DPP10: variants seen among roughly 807,000 people sequenced by gnomAD.
DPP10 encodes the protein dipeptidyl peptidase like 10.
In DPP10, 33 loss-of-function variants were observed where a neutral mutation model predicts 120.9. That is an observed-to-expected ratio of 0.27 (90% CI 0.21 to 0.37). The LOEUF (loss-of-function observed/expected upper bound fraction) is 0.37, where lower values mean the gene tolerates loss of function less well. Among genes scored for constraint, DPP10 ranks in the 10% least tolerant of loss-of-function variants. DPP10 has a pLI of 1.00. For missense variants in DPP10, 816 were observed against 942.8 expected (o/e 0.87, Z 1.76); for synonymous variants, 337 against 326.1 (o/e 1.03, Z -0.36).
chr2:115,369,347 TAAA>T (rs1313636589), intron 3 of DPP10, among the ~76,000 whole-genome samples: 3 of 152,104 alleles, frequency 2.0e-5, no homozygotes, highest in Admixed American at 2.0e-4. Flanking sequence ...ATTATTATAA[TAAA>T]AAAGGCATCT....
chr2:115,785,840 T>G (rs967133699), intron 17 of DPP10, among the ~76,000 whole-genome samples: 4 of 36,434 alleles, frequency 1.1e-4, no homozygotes, highest in Non-Finnish European at 4.4e-4. Context: ...CTGATGTGGG[T>G]TTTTTTTTTT....
intron 1 of DPP10, among the ~76,000 whole-genome samples, chr2:115,291,768 T>C (rs2060666050): frequency 6.6e-6 from 1 of 152,184 alleles, no homozygotes; most frequent in Non-Finnish European, 1.5e-5. Flanking sequence ...GACCAGATCC[T>C]TATTGTAGAC....
chr2:114,603,520 G>C (rs962915301), intron 1 of DPP10, among the ~76,000 whole-genome samples: 8 of 151,986 alleles, frequency 5.3e-5, no homozygotes, highest in Admixed American at 1.3e-4. Context: ...AGACATAGGA[G>C]GGCATTTGCA....
At chr2:114,628,836 T>C (rs2105364010) in intron 1 of DPP10, among the ~76,000 whole-genome samples, 1 of 152,292 alleles carries the variant, frequency 6.6e-6, no homozygotes, top group Non-Finnish European at 1.5e-5. Context: ...GCAGTCCTTG[T>C]TTAATACCAT....
intron 1 of DPP10, among the ~76,000 whole-genome samples, chr2:114,453,610 A>G (rs574920277): frequency 1.3e-5 from 2 of 152,296 alleles, no homozygotes; most frequent in African/African-American, 4.8e-5. Context: ...GAATGCCCTC[A>G]TGGTTAACAG....
intron 24 of DPP10, among the ~76,000 whole-genome samples, chr2:115,837,269 C>A (rs1689633193): frequency 6.6e-6 from 1 of 152,108 alleles, no homozygotes; most frequent in South Asian, 2.1e-4. Flanking sequence ...TTTTTCATCA[C>A]TTTAAACCTT....
chr2:114,966,578 C>T (rs562331217), intron 1 of DPP10, among the ~76,000 whole-genome samples: 2 of 152,134 alleles, frequency 1.3e-5, no homozygotes, highest in Non-Finnish European at 2.9e-5. Context: ...GATTCATGAA[C>T]CAAATAAACA....
chr2:115,318,540 T>C (rs2061907722), intron 2 of DPP10, among the ~76,000 whole-genome samples: 1 of 152,130 alleles, frequency 6.6e-6, no homozygotes, highest in Non-Finnish European at 1.5e-5. Flanking sequence ...ATATTAGTGT[T>C]CCAACTCATA....
chr2:114,980,991 A>ATT (rs10670062), intron 1 of DPP10, among the ~76,000 whole-genome samples: 35,326 of 145,016 alleles, frequency 0.24, 4,435 homozygotes, highest in Admixed American at 0.31. Flanking sequence ...ATGTTGTGTC[A>ATT]TTTTTTTTTT....
chr2:115,490,922 A>G (rs752912220), intron 3 of DPP10, among the ~76,000 whole-genome samples: 1 of 152,178 alleles, frequency 6.6e-6, no homozygotes, highest in Non-Finnish European at 1.5e-5. Context: ...GTTTGAGACC[A>G]GCCTGGCCAA....
chr2:115,710,345 G>A (rs1263814024), intron 7 of DPP10, among the ~76,000 whole-genome samples: 2 of 152,086 alleles, frequency 1.3e-5, no homozygotes, highest in African/African-American at 2.4e-5. Context: ...ATGTATGTCT[G>A]TATGTTGTGT....
At chr2:115,409,096 A>G (rs2068744206) in intron 3 of DPP10, among the ~76,000 whole-genome samples, 1 of 152,130 alleles carries the variant, frequency 6.6e-6, no homozygotes, top group Admixed American at 6.5e-5. Context: ...ATAATGAGAG[A>G]AGAAACAAAT....
In DPP10 at chr2:114,739,624, A is replaced by G. The variant is rs149420768; in HGVS notation, c.60+296786A>G. On this transcript the variant is annotated intron_variant, in intron 1 of 25. Coordinates refer to ENST00000410059, the MANE Select transcript of DPP10 (RefSeq NM_020868.6). ...CAGTGAGCCAAGACTGAGCCACTGCACTCCAGCCTGGGTGACAGAGCAAGA... is the reference window on the plus strand; with the variant it reads ...CAGTGAGCCAAGACTGAGCCACTGCGCTCCAGCCTGGGTGACAGAGCAAGA... 7.9e-3 allele frequency among the ~76,000 whole-genome samples: 1,206 copies of G among 152,226 alleles called. 15 individuals carry two copies. Among genetic ancestry groups the G allele is most frequent in the Admixed American group, 0.027 (415 of 15,284 alleles).
chr2:115,010,223 T>C (rs1368298708), intron 1 of DPP10, among the ~76,000 whole-genome samples: 1 of 152,170 alleles, frequency 6.6e-6, no homozygotes, highest in African/African-American at 2.4e-5. Flanking sequence ...ATTAAGTTTT[T>C]AATTTATTCC....
chr2:115,262,495 A>G (rs958132579), intron 1 of DPP10, among the ~76,000 whole-genome samples: 1 of 152,142 alleles, frequency 6.6e-6, no homozygotes, highest in Non-Finnish European at 1.5e-5. Context: ...TTTTGACTAC[A>G]TAGAAATCTA....
At chr2:115,777,402 A>G (rs940141598) in intron 14 of DPP10, 103 bp downstream of exon 14, 2 of 994,168 alleles carry the variant, frequency 2.0e-6, no homozygotes, top group African/African-American at 3.3e-5. Flanking sequence ...AGTCAAAACA[A>G]GCCAGCCATG....
At chr2:114,564,235 G>A (rs1359917088) in intron 1 of DPP10, among the ~76,000 whole-genome samples, 2 of 151,994 alleles carry the variant, frequency 1.3e-5, no homozygotes, top group Admixed American at 6.6e-5. Flanking sequence ...AAATTTTTTG[G>A]TTTGAATTCT....
In DPP10 at chr2:115,462,497, C is replaced by T. The variant is rs116720802; in HGVS notation, c.272-37013C>T. 7.4e-3 allele frequency among the ~76,000 whole-genome samples: 1,124 copies of T among 152,152 alleles called. 6 individuals are homozygous for T. Among genetic ancestry groups the T allele is most frequent in the African/African-American group, 0.025 (1,029 of 41,516 alleles). On this transcript the variant is annotated intron_variant, in intron 3 of 25. Transcript: ENST00000410059. ...CCAAATTCCTTGGTATGACACACCT[C>T]CATGGTATGACATGGAGGACAAGGT... is the stretch of plus-strand genomic sequence containing the variant.
intron 1 of DPP10, among the ~76,000 whole-genome samples, chr2:114,756,962 T>C (rs561812080): frequency 2.0e-5 from 3 of 152,240 alleles, no homozygotes; most frequent in South Asian, 2.1e-4. Flanking sequence ...TACACAGTCC[T>C]CAAGGGTTTG....
Sources: allele counts gnomAD v4.1 joint callset (sites outside exome capture counted in the v4.1 genomes callset), GRCh38; gene constraint gnomAD v4.1.1; transcripts MANE v1.5; gene names NCBI Gene and HGNC (gene_info 2026-07-23, HGNC 2026-07-21).